The following DNAAF11 variants were observed in gnomAD, a reference collection of about 807,000 sequenced individuals.
DNAAF11 encodes leucine rich repeat containing 6.
Under a neutral mutation model 60.8 loss-of-function variants are expected in DNAAF11, and 45 were observed. The ratio of observed to expected loss-of-function variants is 0.74; its 90% CI spans 0.58 to 0.95. The LOEUF is 0.95. Ranked by LOEUF, DNAAF11 falls within the 40% of genes least tolerant of loss-of-function variation. The pLI is 0.00. For synonymous variants in DNAAF11, 191 were observed against 183.5 expected, an observed-to-expected ratio of 1.04 and a Z score of -0.33; for missense variants, 546 against 546.2, an observed-to-expected ratio of 1.00 and a Z score of 0.00.
At chr8:132,697,679 G>C in the DNAAF11 span, among the ~76,000 whole-genome samples, 2 of 151,662 alleles carry the variant, frequency 1.3e-5, no homozygotes, top group Admixed American at 6.6e-5. Flanking sequence ...GAGTATGAGA[G>C]GAGACATCAA....
intron 1 of DNAAF11, among the ~76,000 whole-genome samples, chr8:132,663,833 A>T (rs1824363064): frequency 6.6e-6 from 1 of 152,242 alleles, no homozygotes; most frequent in Non-Finnish European, 1.5e-5. Context: ...GACATCAGGT[A>T]CATATCCCAA....
chr8:132,582,810 A>C (rs1815475935), intron 11 of DNAAF11, among the ~76,000 whole-genome samples: 1 of 152,252 alleles, frequency 6.6e-6, no homozygotes, highest in Admixed American at 6.5e-5. Context: ...TATCACAAAG[A>C]TAGTTTGCCT....
chr8:132,595,695 T>A (rs1363788092), intron 10 of DNAAF11, among the ~76,000 whole-genome samples: 4 of 152,226 alleles, frequency 2.6e-5, no homozygotes. Context: ...GTTATTTTTT[T>A]CTTTACATTG....
chr8:132,585,479 G>T lies in DNAAF11; in HGVS notation c.1141-1700C>A, dbSNP rs4496949. Among the ~76,000 whole-genome samples, 985 of 152,192 alleles carry T rather than the reference G, an allele frequency of 6.5e-3. 10 individuals carry two copies. The highest frequency in any genetic ancestry group is 0.023 in the African/African-American group (936 of 41,538). ...CAATATAAGCTTTGAACACTAGACT[G>T]GGGGAAAATAATACCCTTAATGTCA... is the stretch of plus-strand genomic sequence containing the variant. On this transcript the variant is annotated intron_variant, in intron 10 of 11. Coordinates refer to ENST00000620350, the MANE Select transcript of DNAAF11 (RefSeq NM_012472.6).
At chr8:132,675,158 G>A in intron 1 of DNAAF11, 1 of 350,908 alleles carries the variant, frequency 2.8e-6, no homozygotes. Flanking sequence ...TGGCCGGAAC[G>A]TGGTGTGTCT....
chr8:132,574,831 C>T (rs553928760), intron 11 of DNAAF11, among the ~76,000 whole-genome samples: 1 of 152,138 alleles, frequency 6.6e-6, no homozygotes, highest in South Asian at 2.1e-4. Context: ...AGCCAAGTTC[C>T]CACAGATAAA....
At chr8:132,676,624 C>A (rs1168068953), upstream of DNAAF11, among the ~76,000 whole-genome samples, 3 of 142,216 alleles carry the variant, frequency 2.1e-5, no homozygotes, top group Non-Finnish European at 4.4e-5. Flanking sequence ...TTACAGCTGG[C>A]AATTATTAGA....
chr8:132,645,331 T>C (rs930957508), intron 3 of DNAAF11, among the ~76,000 whole-genome samples: 2 of 152,166 alleles, frequency 1.3e-5, no homozygotes, highest in Non-Finnish European at 2.9e-5. Flanking sequence ...ACCCCATCTG[T>C]ACGTCACCAT....
At chr8:132,620,249 A>G (rs1819618101) in intron 7 of DNAAF11, among the ~76,000 whole-genome samples, 1 of 152,182 alleles carries the variant, frequency 6.6e-6, no homozygotes, top group East Asian at 1.9e-4. Flanking sequence ...TGGATTTTCA[A>G]CAGGTTGGGG....
At chr8:132,689,161 T>C in the DNAAF11 span, among the ~76,000 whole-genome samples, 1 of 152,148 alleles carries the variant, frequency 6.6e-6, no homozygotes, top group South Asian at 2.1e-4. Context: ...AACTGATGAG[T>C]TGTAGAGCAA....
intron 11 of DNAAF11, among the ~76,000 whole-genome samples, chr8:132,580,538 A>G (rs1198614143): frequency 3.3e-5 from 5 of 152,232 alleles, no homozygotes; most frequent in African/African-American, 1.2e-4. Flanking sequence ...GGTCAATTTG[A>G]GGTAATGTGT....
chr8:132,626,268 G>A (rs1563644712), intron 5 of DNAAF11, among the ~76,000 whole-genome samples: 1 of 152,054 alleles, frequency 6.6e-6, no homozygotes, highest in Non-Finnish European at 1.5e-5. Context: ...AGCCAGGATG[G>A]TCTCAATCTC....
At chr8:132,622,477 T>G (rs1179362035) in intron 7 of DNAAF11, 134 bp downstream of exon 7, 3 of 630,642 alleles carry the variant, frequency 4.8e-6, no homozygotes, top group Non-Finnish European at 8.4e-6. Flanking sequence ...ATGACATTAT[T>G]TTTAGACTCA....
intron 1 of DNAAF11, 72 bp downstream of exon 1, chr8:132,675,412 G>A: frequency 1.3e-6 from 2 of 1,491,736 alleles, no homozygotes; most frequent in Non-Finnish European, 1.8e-6. Context: ...AGCGGGCGGC[G>A]AGGATCCCAC....
chr8:132,577,926 C>A (rs1814924293), intron 11 of DNAAF11, among the ~76,000 whole-genome samples: 2 of 151,856 alleles, frequency 1.3e-5, no homozygotes, highest in South Asian at 2.1e-4. Context: ...CTCAGCCTCC[C>A]AAAGTGCTGG....
chr8:132,695,963 T>C, the DNAAF11 span, among the ~76,000 whole-genome samples: 7 of 152,168 alleles, frequency 4.6e-5, no homozygotes, highest in African/African-American at 1.7e-4. Context: ...CAGTGGAATT[T>C]GATCCCAGTC....
chr8:132,651,859 C>G (rs900702128), intron 3 of DNAAF11, among the ~76,000 whole-genome samples: 13 of 152,140 alleles, frequency 8.5e-5, no homozygotes, highest in African/African-American at 3.1e-4. Context: ...AAAACGTTAG[C>G]TGGGAGAGAG....
At chr8:132,695,009 T>A in the DNAAF11 span, among the ~76,000 whole-genome samples, 5 of 151,944 alleles carry the variant, frequency 3.3e-5, no homozygotes, top group African/African-American at 1.2e-4. Context: ...AAGGAGGGAG[T>A]CATTACTTCA....
rs897832993 is a variant in DNAAF11 at position 132,638,199 on chromosome 8, T to C, written c.257-92A>G. The C allele has an allele frequency of 4.3e-5, 40 of 933,964 alleles. No individual in the cohort carries two copies. In the African/African-American group the frequency reaches 5.1e-4, roughly 12 times the overall value. 57.9% of individuals were successfully genotyped at this position (933,964 alleles called of 1,614,324 possible). ...TAACATCACATAACAGAAGTAACAG[T>C]TGTAGTATTTTCAGTCTGCTGATTT... On this transcript the variant is annotated intron_variant, in intron 3 of 11. Transcript: ENST00000620350.
Sources: allele counts gnomAD v4.1 joint callset (sites outside exome capture counted in the v4.1 genomes callset), GRCh38; gene constraint gnomAD v4.1.1; transcripts MANE v1.5; gene names NCBI Gene and HGNC (gene_info 2026-07-23, HGNC 2026-07-21).